Variants in CCDC63 observed in about 807,000 individuals in gnomAD.
CCDC63 encodes coiled-coil domain containing 63, also known as coiled-coil domain-containing protein 63.
In CCDC63, 54 loss-of-function variants were observed where a neutral mutation model predicts 63.6. The observed-to-expected ratio is 0.85, with a 90% CI of 0.68 to 1.07. The LOEUF (loss-of-function observed/expected upper bound fraction) is 1.07. CCDC63 is among the 50% of genes least tolerant of loss of function. The probability of loss-of-function intolerance (pLI) is 0.00; values close to 1 mark genes in which losing one functional copy is unlikely to be tolerated. For synonymous variants in CCDC63, 253 were observed against 266.1 expected, an observed-to-expected ratio of 0.95 and a Z score of 0.48; for missense variants, 637 against 689.6, an observed-to-expected ratio of 0.92 and a Z score of 0.86.
At chr12:110,870,887 G>A (rs1460980536) in intron 4 of CCDC63, among the ~76,000 whole-genome samples, 1 of 152,150 alleles carries the variant, frequency 6.6e-6, no homozygotes. Context: ...GTTTCTAGAA[G>A]GACTTGTCTA....
Position 110,861,112 on chromosome 12 carries a change from A to G in CCDC63, c.369+2337A>G, listed in dbSNP as rs1465583534. Among the ~76,000 whole-genome samples, 4 of 152,146 alleles carry G rather than the reference A, an allele frequency of 2.6e-5. No homozygotes were observed. In the East Asian group the frequency reaches 7.7e-4, roughly 29 times the overall value. ...CAACCAGATCTCATGAGATTTCACT[A>G]TCGCCAAGACAATACCAAGGGGGAT... On this transcript the variant is annotated intron_variant, in intron 4 of 11. Transcript: ENST00000308208.
chr12:110,874,167 C>A (rs576322257), intron 5 of CCDC63, among the ~76,000 whole-genome samples: 1 of 151,656 alleles, frequency 6.6e-6, no homozygotes, highest in Non-Finnish European at 1.5e-5. Flanking sequence ...AACCCTTACC[C>A]GAATCCCCCA....
intron 3 of CCDC63, among the ~76,000 whole-genome samples, chr12:110,858,016 G>A (rs2070796781): frequency 6.6e-6 from 1 of 152,010 alleles, no homozygotes; most frequent in Admixed American, 6.6e-5. Flanking sequence ...TGAAGCAGGA[G>A]AATCGCTTGA....
At chr12:110,859,368 G>A (rs1259667824) in intron 4 of CCDC63, among the ~76,000 whole-genome samples, 1 of 151,786 alleles carries the variant, frequency 6.6e-6, no homozygotes, top group African/African-American at 2.4e-5. Context: ...ATGCAGTGGT[G>A]CAATCTTGGC....
chr12:110,886,251 G>C (rs900401374), intron 8 of CCDC63, among the ~76,000 whole-genome samples: 1 of 152,180 alleles, frequency 6.6e-6, no homozygotes, highest in Non-Finnish European at 1.5e-5. Context: ...GCTGGGCATA[G>C]TGGCCTGCAC....
chr12:110,899,034 G>A lies in CCDC63; in HGVS notation c.1251G>A (p.Leu417=), dbSNP rs769962318. Residue 417 remains leucine, a synonymous_variant, in exon 10 of 12, where the codon CTG becomes CTA. Coordinates refer to ENST00000308208, the MANE Select transcript of CCDC63 (RefSeq NM_152591.3). ...LDLLKNSVEK[L]FKKINCDATK... ...TATTGAAGAACTCAGTGGAGAAACT[G>A]TTCAAGAAGATAAACTGTGACGCCA... 3.7e-6 allele frequency: 6 copies of A among 1,613,780 alleles called. No individual in the cohort carries two copies. The East Asian group carries it at 8.9e-5, about 24-fold the overall frequency.
At chr12:110,873,125 A>T (rs768600699) in intron 4 of CCDC63, among the ~76,000 whole-genome samples, 2 of 152,062 alleles carry the variant, frequency 1.3e-5, no homozygotes, top group African/African-American at 2.4e-5. Context: ...AGTTCCAGTT[A>T]CTCGAGACGC....
At chr12:110,881,007 T>C in intron 6 of CCDC63, 108 bp from the exon 7 acceptor site, 1 of 974,038 alleles carries the variant, frequency 1.0e-6, no homozygotes, top group Non-Finnish European at 1.4e-6. Flanking sequence ...TTATGATAAA[T>C]AAAAGTGATA....
Position 110,895,804 on chromosome 12 carries a change from T to C in CCDC63, c.1149+2654T>C, listed in dbSNP as rs370341945. Among the ~76,000 whole-genome samples, 12 of 152,362 alleles carry C rather than the reference T, an allele frequency of 7.9e-5. No individual in the cohort carries two copies. In the South Asian group the frequency reaches 1.2e-3, roughly 16 times the overall value. ...CTGTACATTGTAGCTATTATTATTG[T>C]TGTTGTTATCATGTGAGCCAGAAAA... On this transcript the variant is annotated intron_variant, in intron 9 of 11. Transcript: ENST00000308208.
At position 110,899,079 on chromosome 12, in the gene CCDC63, A is replaced by T; in HGVS notation, c.1296A>T (p.Leu432Phe). 1 of 1,613,686 alleles carries T rather than the reference A, an allele frequency of 6.2e-7. No individual in the cohort carries two copies. Among genetic ancestry groups the T allele is most frequent in the Non-Finnish European group, 8.5e-7 (1 of 1,179,804 alleles). ...ACGCCACCAAGATCCTGGTGCAGTT[A>T]GGGGAGACGGGGAAAGTCACTGACA... ...NCDATKILVQLGETGKVTDIN... is the reference protein window; with the variant it reads ...NCDATKILVQFGETGKVTDIN... The change falls in exon 10 of 12, where the codon TTA becomes TTT. Residue 432 changes from leucine (L) to phenylalanine (F), a missense_variant. Coordinates refer to ENST00000308208, the MANE Select transcript of CCDC63 (RefSeq NM_152591.3).
intron 3 of CCDC63, among the ~76,000 whole-genome samples, chr12:110,854,929 G>T (rs953943233): frequency 6.6e-6 from 1 of 152,146 alleles, no homozygotes; most frequent in Non-Finnish European, 1.5e-5. Flanking sequence ...CTTCTGAGTA[G>T]CTGGGATCAC....
intron 10 of CCDC63, among the ~76,000 whole-genome samples, chr12:110,904,024 G>A (rs112314635): frequency 0.015 from 2,234 of 152,222 alleles, 49 homozygotes; most frequent in African/African-American, 0.051. Context: ...GATACCGTAT[G>A]TCTGCTTATG....
intron 10 of CCDC63, among the ~76,000 whole-genome samples, chr12:110,901,288 A>G (rs1190425672): frequency 6.6e-6 from 1 of 152,146 alleles, no homozygotes; most frequent in Non-Finnish European, 1.5e-5. Flanking sequence ...AAACAATTCA[A>G]TTATACTCTT....
chr12:110,870,980 G>T (rs2071058099), intron 4 of CCDC63, among the ~76,000 whole-genome samples: 1 of 152,056 alleles, frequency 6.6e-6, no homozygotes, highest in Admixed American at 6.6e-5. Context: ...CACTGAAACT[G>T]CTTTCTTTGG....
At chr12:110,887,688 G>A (rs2071302123) in intron 8 of CCDC63, among the ~76,000 whole-genome samples, 1 of 151,928 alleles carries the variant, frequency 6.6e-6, no homozygotes, top group Non-Finnish European at 1.5e-5. Context: ...CCCCTCCCTA[G>A]AGGGCTGGGG....
chr12:110,858,430 G>A (rs79259200), intron 3 of CCDC63, among the ~76,000 whole-genome samples, 156 bp from the exon 4 acceptor site: 10 of 152,298 alleles, frequency 6.6e-5, no homozygotes, highest in African/African-American at 2.4e-4. Context: ...CAGGCTTCCA[G>A]ACCTGGATCT....
At chr12:110,891,383 G>T (rs2071354722) in intron 8 of CCDC63, among the ~76,000 whole-genome samples, 1 of 152,054 alleles carries the variant, frequency 6.6e-6, no homozygotes, top group African/African-American at 2.4e-5. Flanking sequence ...AGGCACAGTG[G>T]CTCACACCTG....
At chr12:110,882,145 C>A (rs1052585010) in intron 7 of CCDC63, among the ~76,000 whole-genome samples, 1 of 152,184 alleles carries the variant, frequency 6.6e-6, no homozygotes, top group African/African-American at 2.4e-5. Flanking sequence ...GGAAACTGGG[C>A]GCAAGCTTCC....
intron 4 of CCDC63, among the ~76,000 whole-genome samples, chr12:110,872,690 A>G (rs779728358): frequency 6.6e-6 from 1 of 152,098 alleles, no homozygotes; most frequent in African/African-American, 2.4e-5. Flanking sequence ...CAGTGATGCA[A>G]TCATGGCTCA....
Sources: allele counts gnomAD v4.1 joint callset (sites outside exome capture counted in the v4.1 genomes callset), GRCh38; gene constraint gnomAD v4.1.1; transcripts MANE v1.5; gene names NCBI Gene and HGNC (gene_info 2026-07-23, HGNC 2026-07-21).